Variants in ADORA2B observed in about 807,000 individuals in gnomAD.
ADORA2B encodes the protein adenosine receptor A2b.
A neutral mutation model predicts 20.8 loss-of-function variants in ADORA2B; 18 were observed. The ratio of observed to expected loss-of-function variants is 0.87; its 90% CI spans 0.60 to 1.29. The LOEUF (loss-of-function observed/expected upper bound fraction) is 1.29, where lower values mean the gene tolerates loss of function less well. ADORA2B is among the 50% of genes most tolerant of loss of function. ADORA2B has a pLI of 0.00. For missense variants in ADORA2B, 441 were observed against 422.7 expected, an observed-to-expected ratio of 1.04 and a Z score of -0.38; for synonymous variants, 179 against 178.3, an observed-to-expected ratio of 1.00 and a Z score of -0.03.
At chr17:15,880,195 C>T in the ADORA2B span, among the ~76,000 whole-genome samples, 120 of 139,936 alleles carry the variant, frequency 8.6e-4, 6 homozygotes, top group African/African-American at 3.1e-3. Flanking sequence ...AATTCTGAGT[C>T]GGATGTGTTG....
the ADORA2B span, among the ~76,000 whole-genome samples, chr17:15,909,610 C>T: frequency 2.6e-5 from 4 of 152,192 alleles, no homozygotes; most frequent in Non-Finnish European, 5.9e-5. Flanking sequence ...CCCATTCACA[C>T]CCACACAGGC....
At chr17:15,874,350 T>G in the ADORA2B span, among the ~76,000 whole-genome samples, 1 of 151,898 alleles carries the variant, frequency 6.6e-6, no homozygotes, top group African/African-American at 2.4e-5. Flanking sequence ...ATTAATTTTT[T>G]TTAATAAAAT....
Position 15,974,928 on chromosome 17 carries a change from G to A in ADORA2B, c.585G>A (p.Leu195=). 4 of 1,614,144 alleles carry A rather than the reference G, an allele frequency of 2.5e-6. No homozygotes were observed. The African/African-American group carries it at 4.0e-5, about 16-fold the overall frequency. The part of the protein sequence containing the change: ...FNFFGCVLPP[L]LIMLVIYIKI... Reference sequence around the variant, plus strand: ...TCTTTGGGTGTGTTCTGCCCCCACTGCTTATAATGCTGGTGATCTACATTA... The same window carrying A: ...TCTTTGGGTGTGTTCTGCCCCCACTACTTATAATGCTGGTGATCTACATTA... The change falls in exon 2 of 2, where the codon CTG becomes CTA. Residue 195 remains leucine (L), a synonymous_variant. Coordinates refer to ENST00000304222, the MANE Select transcript of ADORA2B (RefSeq NM_000676.4).
At chr17:15,878,485 A>AT in the ADORA2B span, among the ~76,000 whole-genome samples, 1 of 152,134 alleles carries the variant, frequency 6.6e-6, no homozygotes, top group East Asian at 1.9e-4. Context: ...TGTGATATGC[A>AT]TTGTCGTCAT....
At chr17:15,896,253 A>G in the ADORA2B span, among the ~76,000 whole-genome samples, 1 of 152,238 alleles carries the variant, frequency 6.6e-6, no homozygotes, top group African/African-American at 2.4e-5. Flanking sequence ...ACAGCAAATG[A>G]AAGGATTATC....
At chr17:15,874,095 T>TACAC in the ADORA2B span, among the ~76,000 whole-genome samples, 19,727 of 145,760 alleles carry the variant, frequency 0.14, 1,463 homozygotes, top group Non-Finnish European at 0.15. Context: ...TATATATGTA[T>TACAC]ACACACACAC....
chr17:15,912,552 C>A, the ADORA2B span, among the ~76,000 whole-genome samples: 446 of 152,284 alleles, frequency 2.9e-3, 2 homozygotes, highest in African/African-American at 9.9e-3. Flanking sequence ...TATCACCTAG[C>A]CAGGATAGCA....
chr17:15,860,825 T>A, the ADORA2B span: 1 of 180,524 alleles, frequency 5.5e-6, no homozygotes, highest in Non-Finnish European at 1.2e-5. Context: ...TTCCCACCGA[T>A]CTTTGAAAGG....
At chr17:15,932,687 A>G in the ADORA2B span, among the ~76,000 whole-genome samples, 1 of 152,144 alleles carries the variant, frequency 6.6e-6, no homozygotes, top group Admixed American at 6.6e-5. Context: ...TCCCAGGAGC[A>G]TTTGTTAAAA....
In ADORA2B at chr17:15,975,151, T is replaced by C. The variant is rs1970237748; in HGVS notation, c.808T>C (p.Trp270Arg). 1.2e-6 allele frequency: 2 copies of C among 1,614,232 alleles called. No individual in the cohort carries two copies. Among genetic ancestry groups the C allele is most frequent in the Non-Finnish European group, 1.7e-6 (2 of 1,180,038 alleles). Residue 270 changes from tryptophan (W) to arginine (R), a missense_variant, in exon 2 of 2, where the codon TGG becomes CGG. By Grantham distance (101) the Trp-to-Arg change is moderately radical. Transcript: ENST00000304222. ...AGCTCAGGGTAAAAATAAGCCCAAG[T>C]GGGCAATGAATATGGCCATTCTTCT... ...QPAQGKNKPK[W>R]AMNMAILLSH...
chr17:15,910,302 C>CT, the ADORA2B span, among the ~76,000 whole-genome samples: 1,299 of 144,914 alleles, frequency 9.0e-3, 14 homozygotes, highest in African/African-American at 0.029. Context: ...AATACGTAAA[C>CT]TTTTTTTTTT....
chr17:15,961,281 A>G (rs1250279649), intron 1 of ADORA2B, among the ~76,000 whole-genome samples: 4 of 125,192 alleles, frequency 3.2e-5, no homozygotes, highest in East Asian at 2.0e-4. Context: ...TTCTTGGGGA[A>G]AAAAAAAAAA....
At chr17:15,866,892 C>T in the ADORA2B span, among the ~76,000 whole-genome samples, 1 of 152,280 alleles carries the variant, frequency 6.6e-6, no homozygotes, top group Non-Finnish European at 1.5e-5. Context: ...CTGCCGGATT[C>T]TCCTGCCTCA....
chr17:15,888,712 G>A, the ADORA2B span, among the ~76,000 whole-genome samples: 3 of 115,440 alleles, frequency 2.6e-5, no homozygotes, highest in Non-Finnish European at 3.5e-5. Flanking sequence ...AGGAGAAGGC[G>A]TTCCCTCACA....
chr17:15,936,240 C>CT, the ADORA2B span, among the ~76,000 whole-genome samples: 2 of 151,886 alleles, frequency 1.3e-5, no homozygotes, highest in Non-Finnish European at 2.9e-5. Context: ...ATTTCCATCT[C>CT]TTTTTTTGAG....
chr17:15,967,454 C>T (rs886854914), intron 1 of ADORA2B, among the ~76,000 whole-genome samples: 3 of 152,180 alleles, frequency 2.0e-5, no homozygotes, highest in Non-Finnish European at 4.4e-5. Flanking sequence ...TGGTCTCGAA[C>T]TCCTAACTTC....
At chr17:15,874,018 GA>G in the ADORA2B span, among the ~76,000 whole-genome samples, 3 of 144,886 alleles carry the variant, frequency 2.1e-5, no homozygotes, top group Admixed American at 2.0e-4. Context: ...AGTGGATAAA[GA>G]AAATGTGACT....
chr17:15,862,221 T>TC, the ADORA2B span, among the ~76,000 whole-genome samples: 1 of 141,540 alleles, frequency 7.1e-6, no homozygotes, highest in African/African-American at 2.7e-5. Flanking sequence ...CTTTTTTTTT[T>TC]TTTTTTTTTT....
the ADORA2B span, among the ~76,000 whole-genome samples, chr17:15,908,305 G>A: frequency 6.6e-6 from 1 of 152,206 alleles, no homozygotes; most frequent in Non-Finnish European, 1.5e-5. Flanking sequence ...GATGAAAGTG[G>A]CAGGAGGGCA....
Sources: gnomAD v4.1 joint callset for allele counts (sites outside exome capture counted in the v4.1 genomes callset) on GRCh38, gnomAD v4.1.1 for gene constraint, MANE v1.5 for transcripts, NCBI Gene and HGNC (gene_info 2026-07-23, HGNC 2026-07-21) for gene names.